BRD7: variants seen among roughly 807,000 people sequenced by gnomAD.
BRD7 encodes bromodomain-containing protein 7.
A neutral mutation model predicts 82.1 loss-of-function variants in BRD7; 15 were observed. The observed-to-expected ratio is 0.18, with a 90% CI of 0.12 to 0.28. BRD7 has a LOEUF of 0.28. BRD7 is among the 10% of genes least tolerant of loss of function. The probability of loss-of-function intolerance (pLI) is 1.00; values close to 1 mark genes in which losing one functional copy is unlikely to be tolerated. For synonymous variants in BRD7, 232 were observed against 266.9 expected (o/e 0.87, Z 1.27); for missense variants, 638 against 779.9 (o/e 0.82, Z 2.17).
Position 50,368,697 on chromosome 16 carries a change from C to G in BRD7, c.49+29G>C, listed in dbSNP as rs777095906. On this transcript the variant is annotated intron_variant, in intron 1 of 16. Coordinates refer to ENST00000394688, the MANE Select transcript of BRD7 (RefSeq NM_013263.5). The stretch of plus-strand genomic sequence containing the variant: ...AAGCCCGGCAGAGCCGCCGAGGGCC[C>G]GCCGCCCGCACCCCGGCCCCCTCCT... The G allele has an allele frequency of 3.2e-6, 5 of 1,548,330 alleles. No homozygotes were observed. In the South Asian group the frequency reaches 5.8e-5, roughly 18 times the overall value.
At position 50,325,627 on chromosome 16, in the gene BRD7, A is replaced by G. The variant is rs192606738; in HGVS notation, c.1331+121T>C. On this transcript the variant is annotated intron_variant, in intron 11 of 16. Coordinates refer to ENST00000394688, the MANE Select transcript of BRD7 (RefSeq NM_013263.5). ...ATGAATCCATTATTGTCAGCTTAAA[A>G]AAAAATTACTGAGCACATTTTTTTT... 292 of 936,032 alleles carry G rather than the reference A, an allele frequency of 3.1e-4. 1 individual carries two copies. In the Middle Eastern group the frequency reaches 5.6e-3, roughly 18 times the overall value. The allele number at this position is 936,032 out of a possible 1,614,324, so 58.0% of individuals were successfully genotyped here.
chr16:50,355,319 G>A (rs567345634), intron 2 of BRD7, among the ~76,000 whole-genome samples: 4 of 152,232 alleles, frequency 2.6e-5, no homozygotes, highest in African/African-American at 4.8e-5. Flanking sequence ...CAATACATTC[G>A]ATGTAATGCC....
intron 12 of BRD7, among the ~76,000 whole-genome samples, chr16:50,323,330 G>C (rs562521677): frequency 6.6e-6 from 1 of 152,322 alleles, no homozygotes; most frequent in Admixed American, 6.5e-5. Context: ...TGACTTCTGA[G>C]TTGTAAACCC....
At chr16:50,333,721 G>GT in intron 7 of BRD7, 24 bp from the exon 8 acceptor site, 1 of 1,149,776 alleles carries the variant, frequency 8.7e-7, no homozygotes, top group Non-Finnish European at 1.2e-6. Flanking sequence ...TTAATACTAA[G>GT]TAAAAAAAAA....
intron 5 of BRD7, among the ~76,000 whole-genome samples, chr16:50,348,841 AGT>A (rs1227499389): frequency 1.3e-5 from 2 of 152,240 alleles, no homozygotes; most frequent in African/African-American, 4.8e-5. Flanking sequence ...TGTGGAAGAC[AGT>A]GTGGCGATTC....
rs750088076 is a variant in BRD7, at chr16:50,320,791, A to T, written c.1501-17T>A. On this transcript the variant is annotated splice_polypyrimidine_tract_variant and intron_variant, in intron 13 of 16. Coordinates refer to ENST00000394688, the MANE Select transcript of BRD7 (RefSeq NM_013263.5). ...TTCTGTAATCTGCTTCAAAAGGAAAAACAGGCAATTACTGGCGCTTGCTAA... is the reference window on the plus strand; with the variant it reads ...TTCTGTAATCTGCTTCAAAAGGAAATACAGGCAATTACTGGCGCTTGCTAA... 1.3e-6 allele frequency: 2 copies of T among 1,574,560 alleles called. No homozygotes were observed. Among genetic ancestry groups the T allele is most frequent in the Non-Finnish European group, 1.7e-6 (2 of 1,144,066 alleles).
intron 6 of BRD7, among the ~76,000 whole-genome samples, chr16:50,336,476 C>T (rs949608670): frequency 4.6e-5 from 7 of 152,266 alleles, no homozygotes; most frequent in Admixed American, 3.3e-4. Context: ...CCATTAGAAT[C>T]GCTTGAACCC....
At chr16:50,336,384 A>G (rs2037798255) in intron 6 of BRD7, among the ~76,000 whole-genome samples, 1 of 152,210 alleles carries the variant, frequency 6.6e-6, no homozygotes, top group South Asian at 2.1e-4. Flanking sequence ...AAGGTATACC[A>G]ATTTACATAC....
At chr16:50,367,599 A>G (rs762515092) in intron 2 of BRD7, among the ~76,000 whole-genome samples, 1 of 152,264 alleles carries the variant, frequency 6.6e-6, no homozygotes, top group African/African-American at 2.4e-5. Context: ...CAAATGGTTA[A>G]GAATATCAAT....
intron 5 of BRD7, among the ~76,000 whole-genome samples, chr16:50,344,038 C>T (rs892973593): frequency 1.3e-5 from 2 of 152,162 alleles, no homozygotes; most frequent in African/African-American, 2.4e-5. Flanking sequence ...ACACCTCATA[C>T]AGCTGGGTGC....
At position 50,325,767 on chromosome 16, in the gene BRD7, C is replaced by T. The variant is rs758888953; in HGVS notation, c.1312G>A (p.Asp438Asn). The change falls in exon 11 of 17, where the codon GAT becomes AAT. Residue 438 changes from aspartate (D) to asparagine (N), a missense_variant. This residue lies in a region of BRD7 where 402 missense variants were observed against 500.8 expected (regional missense o/e 0.80). Transcript: ENST00000394688. ...LIYSTYGEDS[D>N]LPSDFSIHEF... Reference sequence around the variant, plus strand: ...ACTCACCTGAAATCACTTGGAAGATCAGAGTCTTCCCCATAGGTTGAATAG... The same window carrying T: ...ACTCACCTGAAATCACTTGGAAGATTAGAGTCTTCCCCATAGGTTGAATAG... The T allele has an allele frequency of 9.4e-6, 15 of 1,596,736 alleles. No homozygotes were observed. The highest frequency in any genetic ancestry group is 1.3e-5 in the Non-Finnish European group (15 of 1,175,826).
chr16:50,318,406 T>TATCTA lies in BRD7; in HGVS notation c.*800_*804dup, dbSNP rs1282143974. The TATCTA allele has an allele frequency of 6.6e-6, 1 of 152,118 alleles. No homozygotes were observed. Among genetic ancestry groups the TATCTA allele is most frequent in the Non-Finnish European group, 1.5e-5 (1 of 68,016 alleles). The allele number at this position is 152,118 out of a possible 1,614,324, so 9.4% of individuals were successfully genotyped here. ...AATTTGTTCACTGAACAAGGCTATC[T>TATCTA]ATCTATCTATCTCCATCCTGATTTT... On this transcript the variant is annotated 3_prime_UTR_variant, in exon 17 of 17. Transcript: ENST00000394688.
intron 5 of BRD7, chr16:50,349,437 G>GA (rs2038428266): frequency 3.9e-6 from 1 of 257,790 alleles, no homozygotes; most frequent in East Asian, 1.4e-4. Flanking sequence ...AAAAAAAAAA[G>GA]AAAGTGTGTA....
intron 11 of BRD7, among the ~76,000 whole-genome samples, chr16:50,324,479 T>TATAAAGACCCACTCTCATCAACGC (rs2037252676): frequency 1.3e-5 from 2 of 152,100 alleles, no homozygotes; most frequent in African/African-American, 4.8e-5. Flanking sequence ...TCCAAGTGCT[T>TATAAAGACCCACTCTCATCAACGC]ATAAAGACCC....
chr16:50,322,684 T>C (rs903931073), intron 12 of BRD7, among the ~76,000 whole-genome samples: 5 of 152,244 alleles, frequency 3.3e-5, no homozygotes, highest in African/African-American at 9.6e-5. Context: ...ACAAAGACAC[T>C]TGACATTTTG....
At chr16:50,367,050 C>T (rs1235744850) in intron 2 of BRD7, among the ~76,000 whole-genome samples, 1 of 152,130 alleles carries the variant, frequency 6.6e-6, no homozygotes, top group Admixed American at 6.5e-5. Flanking sequence ...AATAAGATCT[C>T]TAAGACTTGG....
chr16:50,368,680 C>T, intron 1 of BRD7, 46 bp downstream of exon 1: 1 of 1,542,000 alleles, frequency 6.5e-7, no homozygotes, highest in Admixed American at 1.9e-5. Flanking sequence ...GGAAGCCCGG[C>T]AGAGCCGCCG....
At chr16:50,357,375 G>C (rs1184969094) in intron 2 of BRD7, among the ~76,000 whole-genome samples, 1 of 152,184 alleles carries the variant, frequency 6.6e-6, no homozygotes, top group Non-Finnish European at 1.5e-5. Context: ...ACTCATGCTT[G>C]ATCCCAGCTA....
chr16:50,325,603 T>C lies in BRD7; in HGVS notation c.1331+145A>G, dbSNP rs989168260. 4 of 623,112 alleles carry C rather than the reference T, an allele frequency of 6.4e-6. No homozygotes were observed. In the African/African-American group the frequency reaches 7.5e-5, roughly 12 times the overall value. 38.6% of individuals were successfully genotyped at this position (623,112 alleles called of 1,614,324 possible). On this transcript the variant is annotated intron_variant, in intron 11 of 16. Coordinates refer to ENST00000394688, the MANE Select transcript of BRD7 (RefSeq NM_013263.5). ...CTCCACTAAAGGATAATAGTAACTATGAATCCATTATTGTCAGCTTAAAAA... is the reference window on the plus strand; with the variant it reads ...CTCCACTAAAGGATAATAGTAACTACGAATCCATTATTGTCAGCTTAAAAA...
Sources: allele counts gnomAD v4.1 joint callset (sites outside exome capture counted in the v4.1 genomes callset), GRCh38; gene constraint gnomAD v4.1.1; regional missense constraint gnomAD v4.1.1; transcripts MANE v1.5; gene names NCBI Gene and HGNC (gene_info 2026-07-23, HGNC 2026-07-21).